TNRC6B: variants seen among roughly 807,000 people sequenced by gnomAD.
The protein encoded by TNRC6B is trinucleotide repeat containing adaptor 6B.
Under a neutral mutation model 203.6 loss-of-function variants are expected in TNRC6B, and 52 were observed. That is an observed-to-expected ratio of 0.26 (90% CI 0.20 to 0.32). The LOEUF (loss-of-function observed/expected upper bound fraction) is 0.32. TNRC6B is among the 10% of genes least tolerant of loss of function. TNRC6B has a pLI of 1.00. For missense variants in TNRC6B, 1,923 were observed against 2,286.2 expected (o/e 0.84, Z 3.24); for synonymous variants, 838 against 845.7 (o/e 0.99, Z 0.16).
intron 4 of TNRC6B, among the ~76,000 whole-genome samples, chr22:40,171,989 T>C (rs1444233492): frequency 6.6e-6 from 1 of 152,094 alleles, no homozygotes; most frequent in African/African-American, 2.4e-5. Flanking sequence ...GCCTTCCAAG[T>C]AGCTGGGATT....
rs373610904 is a variant in TNRC6B at position 40,079,294 on chromosome 22, C to T, written c.-121+34296C>T. 1.6e-4 allele frequency among the ~76,000 whole-genome samples: 25 copies of T among 152,136 alleles called. 1 individual carries two copies. In the South Asian group the frequency reaches 4.8e-3, roughly 29 times the overall value. On this transcript the variant is annotated intron_variant, in intron 1 of 23. Coordinates refer to the TNRC6B transcript ENST00000301923. ...GAAGCTCTAAGATGCTTCTGGTGGG[C>T]GAGTGGGTGTTACAGAGCTCTCCAG...
chr22:40,087,842 A>G (rs1198950655), intron 1 of TNRC6B, among the ~76,000 whole-genome samples: 3 of 152,130 alleles, frequency 2.0e-5, no homozygotes, highest in Non-Finnish European at 2.9e-5. Flanking sequence ...CCCTCATCAC[A>G]GAGGCTGCTG....
intron 17 of TNRC6B, 65 bp from the exon 18 acceptor site, chr22:40,312,440 A>C: frequency 6.6e-7 from 1 of 1,509,226 alleles, no homozygotes; most frequent in Non-Finnish European, 8.9e-7. Flanking sequence ...CTTATGTCAA[A>C]AAAAGTACTA....
intron 1 of TNRC6B, among the ~76,000 whole-genome samples, chr22:40,080,607 A>G (rs1425722450): frequency 6.6e-6 from 1 of 152,076 alleles, no homozygotes; most frequent in Non-Finnish European, 1.5e-5. Flanking sequence ...TCCATATCCA[A>G]CTTCAAATTC....
chr22:40,218,126 A>C (rs543540802), intron 1 of TNRC6B, among the ~76,000 whole-genome samples: 1 of 152,090 alleles, frequency 6.6e-6, no homozygotes, highest in African/African-American at 2.4e-5. Context: ...TATGGCTACT[A>C]ATATCAAAGT....
At chr22:40,241,559 A>G (rs1266096282) in intron 1 of TNRC6B, among the ~76,000 whole-genome samples, 2 of 152,208 alleles carry the variant, frequency 1.3e-5, no homozygotes, top group Non-Finnish European at 2.9e-5. Context: ...GATGGTATTC[A>G]GGTTAAACAC....
At chr22:40,099,596 A>G (rs1310302083) in intron 1 of TNRC6B, among the ~76,000 whole-genome samples, 1 of 152,208 alleles carries the variant, frequency 6.6e-6, no homozygotes, top group Admixed American at 6.5e-5. Context: ...TTCCCTAAAT[A>G]ATACAGTACA....
intron 1 of TNRC6B, among the ~76,000 whole-genome samples, chr22:40,086,447 T>TC: frequency 6.6e-6 from 1 of 152,194 alleles, no homozygotes; most frequent in Non-Finnish European, 1.5e-5. Context: ...AGGAGCCCCT[T>TC]CAAGTTGGTT....
At chr22:40,183,324 G>A (rs1390895361) in intron 1 of TNRC6B, among the ~76,000 whole-genome samples, 1 of 152,152 alleles carries the variant, frequency 6.6e-6, no homozygotes, top group Non-Finnish European at 1.5e-5. Flanking sequence ...GAATGGCTCT[G>A]TTCTTTCTCA....
At chr22:40,277,050 C>A in intron 7 of TNRC6B, 27 bp from the exon 8 acceptor site, 2 of 1,549,272 alleles carry the variant, frequency 1.3e-6, no homozygotes, top group South Asian at 2.5e-5. Flanking sequence ...TTATTTGGTT[C>A]TGAGGTTCCG....
intron 3 of TNRC6B, among the ~76,000 whole-genome samples, chr22:40,132,969 A>AAAAAAATATATATATATAT (rs1282694632): frequency 1.3e-5 from 1 of 78,188 alleles, no homozygotes; most frequent in African/African-American, 4.0e-5. Context: ...AAAAAAAAAA[A>AAAAAAATATATATATATAT]ATATATATAT....
Position 40,277,090 on chromosome 22 carries a change from G to A in TNRC6B, c.3155G>A (p.Gly1052Glu). 6.2e-7 allele frequency: 1 copy of A among 1,605,030 alleles called. No individual in the cohort carries two copies. The highest frequency in any genetic ancestry group is 8.5e-7 in the Non-Finnish European group (1 of 1,176,776). ...TCATTTCTGTAGTGCTCACTCAAAG[G>A]AGGAAACAATGATTCATGGATGAAT... ...GKKQMKCSLK[G>E]GNNDSWMNPL... The change falls in exon 8 of 23, where the codon GGA (glycine) becomes GAA (glutamate). Residue 1052 changes from glycine to glutamate, a missense_variant. Physicochemically the swap from Gly to Glu is moderately conservative, Grantham distance 98. Coordinates refer to ENST00000454349, the MANE Select transcript of TNRC6B (RefSeq NM_001162501.2).
At position 40,091,815 on chromosome 22, in the gene TNRC6B, A is replaced by G. The variant is rs142010633; in HGVS notation, c.-120-25240A>G. On this transcript the variant is annotated intron_variant, in intron 1 of 23. Transcript: ENST00000301923. The stretch of plus-strand genomic sequence containing the variant: ...ACTTCTGTGTCTAGCATTTTTTATA[A>G]TGAAACTTAAAAAAAAACTTTCCTT... 6.6e-3 allele frequency among the ~76,000 whole-genome samples: 1,003 copies of G among 152,212 alleles called. 4 individuals are homozygous for G. Among genetic ancestry groups the G allele is most frequent in the Non-Finnish European group, 9.9e-3 (676 of 68,024 alleles).
At chr22:40,277,667 T>G (rs2070664187) in intron 8 of TNRC6B, among the ~76,000 whole-genome samples, 1 of 152,210 alleles carries the variant, frequency 6.6e-6, no homozygotes, top group African/African-American at 2.4e-5. Flanking sequence ...GAAGAAGTTG[T>G]CATTATTTGG....
In TNRC6B at chr22:40,300,597, G is replaced by A. The variant is rs1302227651; in HGVS notation, c.3840+11G>A. 1 of 1,591,246 alleles carries A rather than the reference G, an allele frequency of 6.3e-7. No homozygotes were observed. Among genetic ancestry groups the A allele is most frequent in the Admixed American group, 1.9e-5 (1 of 53,252 alleles). ...CCCCAGTTTCAGTTGGTAAGTAGAA[G>A]ATTTTCTTCCTGTGGCTAAAAAGGT... is the stretch of plus-strand genomic sequence containing the variant. On this transcript the variant is annotated intron_variant, in intron 13 of 22. Transcript: ENST00000454349.
chr22:40,136,539 A>G (rs1015291241), intron 3 of TNRC6B, among the ~76,000 whole-genome samples: 2 of 151,758 alleles, frequency 1.3e-5, no homozygotes, highest in Non-Finnish European at 1.5e-5. Context: ...AGCTGGGACC[A>G]TAGATGCATG....
intron 1 of TNRC6B, among the ~76,000 whole-genome samples, chr22:40,200,979 C>G (rs1418921193): frequency 6.6e-6 from 1 of 152,168 alleles, no homozygotes; most frequent in Non-Finnish European, 1.5e-5. Flanking sequence ...CCTCCGCCTC[C>G]TTATCTGCAG....
intron 22 of TNRC6B, 88 bp from the exon 23 acceptor site, chr22:40,322,766 C>T (rs2071352029): frequency 5.4e-6 from 8 of 1,475,448 alleles, no homozygotes; most frequent in Non-Finnish European, 6.5e-6. Context: ...AAGGACTGCA[C>T]ATTGAATGTC....
chr22:40,269,060 CATT>C (rs929154801), intron 5 of TNRC6B, among the ~76,000 whole-genome samples: 4 of 150,074 alleles, frequency 2.7e-5, no homozygotes, highest in Admixed American at 6.6e-5. Context: ...TTGCTTTTCT[CATT>C]ATACTTATAG....
Sources: allele counts gnomAD v4.1 joint callset (sites outside exome capture counted in the v4.1 genomes callset), GRCh38; gene constraint gnomAD v4.1.1; transcripts MANE v1.5; gene names NCBI Gene and HGNC (gene_info 2026-07-23, HGNC 2026-07-21).